The following ARHGAP15 variants were observed in gnomAD, a reference collection of about 807,000 sequenced individuals.
ARHGAP15 encodes rho GTPase-activating protein 15.
A neutral mutation model predicts 63.7 loss-of-function variants in ARHGAP15; 51 were observed. The ratio of observed to expected loss-of-function variants is 0.80; its 90% CI spans 0.64 to 1.01. The LOEUF (loss-of-function observed/expected upper bound fraction) is 1.01, where lower values mean the gene tolerates loss of function less well. ARHGAP15 is among the 50% of genes least tolerant of loss of function. The pLI is 0.00. For missense variants in ARHGAP15, 560 were observed against 564.6 expected, an observed-to-expected ratio of 0.99 and a Z score of 0.08; for synonymous variants, 191 against 193.8, an observed-to-expected ratio of 0.99 and a Z score of 0.12.
chr2:143,707,689 A>G (rs1410374783), intron 13 of ARHGAP15, among the ~76,000 whole-genome samples: 6 of 152,232 alleles, frequency 3.9e-5, no homozygotes, highest in Non-Finnish European at 8.8e-5. Flanking sequence ...ACTGTTTGCA[A>G]CAGTGAGCAT....
Position 143,768,157 on chromosome 2 carries a change from C to T in ARHGAP15, c.1413C>T (p.Gly471=), listed in dbSNP as rs1303089429. 3 of 1,613,322 alleles carry T rather than the reference C, an allele frequency of 1.9e-6. 1 individual carries two copies. In the South Asian group the frequency reaches 3.3e-5, roughly 18 times the overall value. ...LMLSEYSKIF[G]SEED is the part of the protein sequence containing the mutation. ...TGAGTGAGTACAGTAAGATCTTCGG[C>T]TCAGAGGAAGACTGACAGACAAGAC... Residue 471 remains glycine (G), a synonymous_variant, in exon 14 of 14, where the codon GGC becomes GGT. Coordinates refer to ENST00000295095, the MANE Select transcript of ARHGAP15 (RefSeq NM_018460.4).
chr2:143,256,969 TG>T (rs1680458847), intron 6 of ARHGAP15, among the ~76,000 whole-genome samples: 1 of 152,130 alleles, frequency 6.6e-6, no homozygotes, highest in African/African-American at 2.4e-5. Flanking sequence ...ACATGCCTAT[TG>T]GTTCAGATAA....
chr2:143,163,401 G>T (rs2105027174), intron 2 of ARHGAP15, among the ~76,000 whole-genome samples: 1 of 151,212 alleles, frequency 6.6e-6, no homozygotes, highest in South Asian at 2.1e-4. Context: ...TATTTATATA[G>T]ATATATAGAA....
chr2:143,572,047 C>G (rs1696478666), intron 11 of ARHGAP15: 1 of 152,194 alleles, frequency 6.6e-6, no homozygotes, highest in Non-Finnish European at 1.5e-5. Flanking sequence ...TGTTTCAGTA[C>G]TGGTTTTAGT....
intron 12 of ARHGAP15, among the ~76,000 whole-genome samples, chr2:143,631,640 C>CA (rs1699076441): frequency 1.3e-5 from 2 of 151,822 alleles, no homozygotes; most frequent in Admixed American, 6.6e-5. Context: ...CCTACTTTTT[C>CA]AAAAAAATTG....
At chr2:143,363,910 GA>G (rs1485106763) in intron 6 of ARHGAP15, among the ~76,000 whole-genome samples, 1 of 152,160 alleles carries the variant, frequency 6.6e-6, no homozygotes, top group African/African-American at 2.4e-5. Context: ...AATTGCATGG[GA>G]AATCAAGTTT....
At chr2:143,352,023 C>T (rs533506685) in intron 6 of ARHGAP15, among the ~76,000 whole-genome samples, 1 of 152,266 alleles carries the variant, frequency 6.6e-6, no homozygotes, top group African/African-American at 2.4e-5. Flanking sequence ...AGACATCATT[C>T]ATCAAGAATT....
chr2:143,131,557 C>T (rs181371), intron 1 of ARHGAP15, among the ~76,000 whole-genome samples: 76,529 of 151,938 alleles, frequency 0.5, 20,487 homozygotes, highest in Non-Finnish European at 0.6. Flanking sequence ...ATTTAGAGTC[C>T]CATAGACTTG....
intron 13 of ARHGAP15, among the ~76,000 whole-genome samples, chr2:143,760,488 CCATT>C (rs1686722877): frequency 6.6e-6 from 1 of 152,040 alleles, no homozygotes; most frequent in African/African-American, 2.4e-5. Context: ...AGCCTGTGGG[CCATT>C]CATTTTTTTA....
At chr2:143,212,361 G>A (rs1257636413) in intron 3 of ARHGAP15, among the ~76,000 whole-genome samples, 1 of 152,206 alleles carries the variant, frequency 6.6e-6, no homozygotes, top group East Asian at 1.9e-4. Flanking sequence ...CTTGCAGACT[G>A]GCTGGCATCC....
chr2:143,407,686 A>AT (rs564611303), intron 6 of ARHGAP15, among the ~76,000 whole-genome samples: 2 of 151,102 alleles, frequency 1.3e-5, no homozygotes, highest in African/African-American at 4.9e-5. Context: ...CTTTGATTTC[A>AT]TTTTTTTTAT....
intron 13 of ARHGAP15, among the ~76,000 whole-genome samples, chr2:143,727,668 C>T (rs1685343933): frequency 6.6e-6 from 1 of 152,192 alleles, no homozygotes; most frequent in South Asian, 2.1e-4. Context: ...CGGGGCTGTT[C>T]TCCATGAGTC....
Position 143,758,681 on chromosome 2 carries a change from C to T in ARHGAP15, c.1245-9308C>T, listed in dbSNP as rs1388264658. ...GCAGTTATTTTTAAAAAGAATAATACCAAATTATAATACTGCTAACAGGAC... is the reference window on the plus strand; with the variant it reads ...GCAGTTATTTTTAAAAAGAATAATATCAAATTATAATACTGCTAACAGGAC... On this transcript the variant is annotated intron_variant, in intron 13 of 13. Coordinates refer to ENST00000295095, the MANE Select transcript of ARHGAP15 (RefSeq NM_018460.4). 1.3e-5 allele frequency among the ~76,000 whole-genome samples: 2 copies of T among 151,988 alleles called. 1 individual carries two copies. Among genetic ancestry groups the T allele is most frequent in the Non-Finnish European group, 2.9e-5 (2 of 68,010 alleles).
chr2:143,581,621 G>A (rs1213167339), intron 11 of ARHGAP15, among the ~76,000 whole-genome samples: 4 of 152,108 alleles, frequency 2.6e-5, no homozygotes, highest in African/African-American at 7.2e-5. Flanking sequence ...AGTAGGGAGG[G>A]CTTGTTACCT....
intron 6 of ARHGAP15, among the ~76,000 whole-genome samples, chr2:143,414,333 C>T (rs1277450702): frequency 6.6e-6 from 1 of 151,388 alleles, no homozygotes; most frequent in Non-Finnish European, 1.5e-5. Flanking sequence ...CAATTATAGC[C>T]AAAAAGAGCG....
chr2:143,560,592 T>C (rs891959163), intron 11 of ARHGAP15, among the ~76,000 whole-genome samples: 3 of 152,248 alleles, frequency 2.0e-5, no homozygotes, highest in African/African-American at 7.2e-5. Flanking sequence ...CAGAGATTAG[T>C]CTTTTCATGC....
intron 12 of ARHGAP15, among the ~76,000 whole-genome samples, chr2:143,694,818 G>A (rs1307553768): frequency 6.6e-6 from 1 of 152,168 alleles, no homozygotes; most frequent in Non-Finnish European, 1.5e-5. Context: ...AAAATGAATG[G>A]TTAAGGATAA....
intron 12 of ARHGAP15, among the ~76,000 whole-genome samples, chr2:143,673,758 G>GTGTGTGTGTGTGTGTATATATATA (rs1553520615): frequency 9.0e-5 from 2 of 22,114 alleles, no homozygotes; most frequent in African/African-American, 1.6e-4. Context: ...GTGTGTGTGT[G>GTGTGTGTGTGTGTGTATATATATA]TATATATATA....
At chr2:143,687,620 G>A in intron 12 of ARHGAP15, among the ~76,000 whole-genome samples, 1 of 152,108 alleles carries the variant, frequency 6.6e-6, no homozygotes, top group East Asian at 1.9e-4. Flanking sequence ...TAAATAAAAG[G>A]TTAACTGCAA....
Sources: allele counts gnomAD v4.1 joint callset (sites outside exome capture counted in the v4.1 genomes callset), GRCh38; gene constraint gnomAD v4.1.1; transcripts MANE v1.5; gene names NCBI Gene and HGNC (gene_info 2026-07-23, HGNC 2026-07-21).